The following ZNF605 variants were observed in gnomAD, a reference collection of about 807,000 sequenced individuals.
ZNF605 encodes the protein zinc finger protein 605.
A neutral mutation model predicts 7.9 loss-of-function variants in ZNF605; 9 were observed. The observed-to-expected ratio is 1.14, with a 90% CI of 0.68 to 1.98. The LOEUF (loss-of-function observed/expected upper bound fraction) is 1.98. Ranked by LOEUF, ZNF605 falls within the 30% of genes most tolerant of loss-of-function variation. The pLI is 0.00. For synonymous variants in ZNF605, 255 were observed against 260.1 expected (o/e 0.98, Z 0.19); for missense variants, 673 against 762.4 (o/e 0.88, Z 1.38).
At chr12:132,932,533 A>ATG (rs1952318191) in intron 4 of ZNF605, among the ~76,000 whole-genome samples, 1 of 152,194 alleles carries the variant, frequency 6.6e-6, no homozygotes, top group Non-Finnish European at 1.5e-5. Context: ...ACACATCCCG[A>ATG]TGTGGAGACC....
rs1952324439 is a variant in ZNF605, at chr12:132,933,252, C to G, written c.16-97G>C. On this transcript the variant is annotated intron_variant, in intron 3 of 4. Coordinates refer to ENST00000360187, the MANE Select transcript of ZNF605 (RefSeq NM_183238.4). The surrounding 1 kb of genome is among the most constrained non-coding windows in gnomAD (Gnocchi z 4.4). ...TTGTGGTAGGTGGCCTCTAAGATGG[C>G]CCCAGTGACCTCTGACTCCGGTATT... is the stretch of plus-strand genomic sequence containing the variant. 1 of 1,379,502 alleles carries G rather than the reference C, an allele frequency of 7.2e-7. No individual in the cohort carries two copies. The highest frequency in any genetic ancestry group is 9.8e-7 in the Non-Finnish European group (1 of 1,023,564). The allele number at this position is 1,379,502 out of a possible 1,614,324, so 85.5% of individuals were successfully genotyped here.
In ZNF605 at chr12:132,920,993, AT is replaced by A. The variant is rs1193557113; in HGVS notation, c.*4379del. On this transcript the variant is annotated 3_prime_UTR_variant, in exon 5 of 5. Coordinates refer to ENST00000360187, the MANE Select transcript of ZNF605 (RefSeq NM_183238.4). ...AGGCATGTGCCACCATGCCCGGCTAATTTTTTTGTATTTAGTAGAGACGGGG... is the reference window on the plus strand; with the variant it reads ...AGGCATGTGCCACCATGCCCGGCTAATTTTTTGTATTTAGTAGAGACGGGG... 1 of 152,180 alleles carries A rather than the reference AT, an allele frequency of 6.6e-6. No individual in the cohort carries two copies. Among genetic ancestry groups the A allele is most frequent in the Non-Finnish European group, 1.5e-5 (1 of 68,052 alleles). The allele number at this position is 152,180 out of a possible 1,614,324, so 9.4% of individuals were successfully genotyped here.
chr12:132,955,278 G>A (rs1952624794), intron 1 of ZNF605, among the ~76,000 whole-genome samples: 2 of 152,200 alleles, frequency 1.3e-5, no homozygotes, highest in Non-Finnish European at 2.9e-5. Flanking sequence ...TGGAAGTGCG[G>A]GCGACCAGAC....
intron 1 of ZNF605, among the ~76,000 whole-genome samples, chr12:132,951,832 TACAC>T (rs1415052979): frequency 6.6e-6 from 1 of 151,006 alleles, no homozygotes; most frequent in African/African-American, 2.4e-5. Context: ...ACACCACACA[TACAC>T]ATACACGCAT....
chr12:132,943,771 A>G (rs928824304), intron 3 of ZNF605, among the ~76,000 whole-genome samples: 145 of 151,506 alleles, frequency 9.6e-4, no homozygotes, highest in African/African-American at 3.3e-3. Context: ...CAATCCCCAC[A>G]TCTGCACTGA....
chr12:132,951,781 C>T (rs1435041875), intron 1 of ZNF605, among the ~76,000 whole-genome samples: 1 of 151,896 alleles, frequency 6.6e-6, no homozygotes, highest in East Asian at 1.9e-4. Context: ...AGTACACACA[C>T]ATTGATACAC....
At chr12:132,943,084 C>T (rs1380656635) in intron 3 of ZNF605, among the ~76,000 whole-genome samples, 1 of 151,968 alleles carries the variant, frequency 6.6e-6, no homozygotes, top group Non-Finnish European at 1.5e-5. Context: ...GTAGTGCGGC[C>T]GGGCACGGTG....
intron 1 of ZNF605, among the ~76,000 whole-genome samples, chr12:132,954,042 A>C (rs1952603655): frequency 2.0e-5 from 3 of 151,728 alleles, no homozygotes; most frequent in Non-Finnish European, 2.9e-5. Context: ...GAGCCAATAA[A>C]ACTGTCCCCC....
intron 1 of ZNF605, among the ~76,000 whole-genome samples, chr12:132,953,537 C>G (rs962568944): frequency 1.3e-5 from 2 of 152,300 alleles, no homozygotes; most frequent in South Asian, 2.1e-4. Flanking sequence ...AGCAATTCTC[C>G]TGCCTCAGCC....
At position 132,918,726 on chromosome 12, in the gene ZNF605, G is replaced by A. The variant is rs563680944; in HGVS notation, c.*6647C>T. ...CTCCCGAGCAGCTGGGTTTACAGGT[G>A]CTCCACCACACCCGGCTATTTTTTT... On this transcript the variant is annotated 3_prime_UTR_variant, in exon 5 of 5. Coordinates refer to ENST00000360187, the MANE Select transcript of ZNF605 (RefSeq NM_183238.4). 1.3e-5 allele frequency: 2 copies of A among 151,608 alleles called. No individual in the cohort carries two copies. The highest frequency in any genetic ancestry group is 2.4e-5 in the African/African-American group (1 of 41,562). 9.4% of individuals were successfully genotyped at this position (151,608 alleles called of 1,614,324 possible).
intron 1 of ZNF605, among the ~76,000 whole-genome samples, chr12:132,954,114 A>T (rs2137171078): frequency 6.6e-6 from 1 of 151,698 alleles, no homozygotes; most frequent in South Asian, 2.1e-4. Flanking sequence ...GACACTTACC[A>T]TTCCTACGTC....
In ZNF605 at chr12:132,920,105, T is replaced by C. The variant is rs1952189927; in HGVS notation, c.*5268A>G. 6.6e-6 allele frequency: 1 copy of C among 152,054 alleles called. No individual in the cohort carries two copies. The highest frequency in any genetic ancestry group is 2.1e-4 in the South Asian group (1 of 4,820). The allele number at this position is 152,054 out of a possible 1,614,324, so 9.4% of individuals were successfully genotyped here. The stretch of plus-strand genomic sequence containing the variant: ...TGCCTGCCTTAGCCTCCCAAAGTGT[T>C]ATGATTACAGGTGTGAGCCACCGCG... On this transcript the variant is annotated 3_prime_UTR_variant, in exon 5 of 5. Coordinates refer to ENST00000360187, the MANE Select transcript of ZNF605 (RefSeq NM_183238.4).
intron 3 of ZNF605, among the ~76,000 whole-genome samples, chr12:132,942,147 T>C (rs1157103770): frequency 2.6e-5 from 4 of 152,158 alleles, no homozygotes; most frequent in African/African-American, 7.2e-5. Flanking sequence ...GATTACTACA[T>C]GGGACACACA....
rs1444573503 is a variant in ZNF605, at chr12:132,933,477, C to T, written c.16-322G>A. ...GGCCGCCATGTGGAAGCTCATGTGCCGTGGAACTGAGGCTTCCCAACAGCC... is the reference window on the plus strand; with the variant it reads ...GGCCGCCATGTGGAAGCTCATGTGCTGTGGAACTGAGGCTTCCCAACAGCC... On this transcript the variant is annotated intron_variant, in intron 3 of 4. Coordinates refer to ENST00000360187, the MANE Select transcript of ZNF605 (RefSeq NM_183238.4). The surrounding 1 kb of genome is among the most constrained non-coding windows in gnomAD (Gnocchi z 4.4). 2.0e-5 allele frequency among the ~76,000 whole-genome samples: 3 copies of T among 152,172 alleles called. No individual in the cohort carries two copies. Among genetic ancestry groups the T allele is most frequent in the East Asian group, 1.9e-4 (1 of 5,202 alleles).
rs957823080 is a variant in ZNF605, at chr12:132,941,991, T to C, written c.15+3630A>G. Among the ~76,000 whole-genome samples, 1 of 152,232 alleles carries C rather than the reference T, an allele frequency of 6.6e-6. No homozygotes were observed. The highest frequency in any genetic ancestry group is 1.5e-5 in the Non-Finnish European group (1 of 68,040). ...AGATATGTAAACCTATTTTTAAACCTTTTAAAAGTTCAGGATTTTGTGCTC... is the reference window on the plus strand; with the variant it reads ...AGATATGTAAACCTATTTTTAAACCCTTTAAAAGTTCAGGATTTTGTGCTC... On this transcript the variant is annotated intron_variant, in intron 3 of 4. Coordinates refer to ENST00000360187, the MANE Select transcript of ZNF605 (RefSeq NM_183238.4). The surrounding 1 kb of genome is among the most constrained non-coding windows in gnomAD (Gnocchi z 5.1).
At chr12:132,954,742 A>C (rs770872417) in intron 1 of ZNF605, among the ~76,000 whole-genome samples, 54 of 151,714 alleles carry the variant, frequency 3.6e-4, no homozygotes, top group African/African-American at 7.5e-4. Flanking sequence ...GCCCTCCCAA[A>C]CACCACCTGG....
intron 3 of ZNF605, among the ~76,000 whole-genome samples, chr12:132,944,087 G>T (rs1593597784): frequency 6.6e-6 from 1 of 152,146 alleles, no homozygotes; most frequent in East Asian, 1.9e-4. Context: ...CCTTGTGGCT[G>T]AGCACATCTC....
intron 1 of ZNF605, among the ~76,000 whole-genome samples, chr12:132,953,303 C>G (rs1593607664): frequency 6.6e-6 from 1 of 152,326 alleles, no homozygotes; most frequent in East Asian, 1.9e-4. Flanking sequence ...CCCCAGTGAC[C>G]ATCCAACAAA....
intron 3 of ZNF605, among the ~76,000 whole-genome samples, chr12:132,934,703 TAAAAAAAAA>T (rs1287567047): frequency 3.9e-5 from 1 of 25,504 alleles, no homozygotes; most frequent in African/African-American, 7.9e-5. Flanking sequence ...AGATTCCGTC[TAAAAAAAAA>T]AAAAAAAAAA....
Sources: allele counts gnomAD v4.1 joint callset (sites outside exome capture counted in the v4.1 genomes callset), GRCh38; gene constraint gnomAD v4.1.1; non-coding constraint Gnocchi (gnomAD v3.1); transcripts MANE v1.5; gene names NCBI Gene and HGNC (gene_info 2026-07-23, HGNC 2026-07-21).